Variants in ZXDC observed in about 807,000 individuals in gnomAD.
ZXDC encodes the protein zinc finger protein ZXDC.
In ZXDC, 58 loss-of-function variants were observed where a neutral mutation model predicts 63.6. The ratio of observed to expected loss-of-function variants is 0.91; its 90% CI spans 0.74 to 1.13. ZXDC has a LOEUF of 1.13. Ranked by LOEUF, ZXDC falls within the 50% of genes most tolerant of loss-of-function variation. ZXDC has a pLI of 0.00. For synonymous variants in ZXDC, 561 were observed against 496.1 expected, an observed-to-expected ratio of 1.13 and a Z score of -1.74; for missense variants, 1,133 against 1,148.9, an observed-to-expected ratio of 0.99 and a Z score of 0.20.
intron 1 of ZXDC, among the ~76,000 whole-genome samples, chr3:126,472,810 G>C (rs1935031699): frequency 6.6e-6 from 1 of 152,144 alleles, no homozygotes; most frequent in Non-Finnish European, 1.5e-5. Context: ...CCTGTCCCTT[G>C]CTGTTTGGAT....
chr3:126,461,984 G>T lies in ZXDC; in HGVS notation c.1678C>A (p.Leu560Ile). 1 of 1,614,150 alleles carries T rather than the reference G, an allele frequency of 6.2e-7. No homozygotes were observed. The highest frequency in any genetic ancestry group is 8.5e-7 in the Non-Finnish European group (1 of 1,180,038). The change falls in exon 6 of 10, where the codon CTA (leucine) becomes ATA (isoleucine). Residue 560 changes from leucine (L) to isoleucine (I), a missense_variant. Coordinates refer to ENST00000389709, the MANE Select transcript of ZXDC (RefSeq NM_025112.5). The stretch of plus-strand genomic sequence containing the variant: ...AGGACCAGGGGTTCCATCGGCCCTA[G>T]GGAGCTATTATTAGCAGGGAGGTTC... ...GGNLPANNSS[L>I]GPMEPLVLVA...
At chr3:126,458,569 A>G (rs921316099) in intron 7 of ZXDC, 5 of 984,428 alleles carry the variant, frequency 5.1e-6, no homozygotes, top group Non-Finnish European at 6.0e-6. Flanking sequence ...TAATGCTGAA[A>G]TATTTACAAA....
chr3:126,456,856 C>T (rs1934325282), intron 7 of ZXDC, among the ~76,000 whole-genome samples: 1 of 152,208 alleles, frequency 6.6e-6, no homozygotes, highest in African/African-American at 2.4e-5. Context: ...GTGAAGAAAC[C>T]TAGCAGCTAC....
At chr3:126,452,904 A>G in intron 7 of ZXDC, 3 of 499,776 alleles carry the variant, frequency 6.0e-6, no homozygotes, top group Non-Finnish European at 7.8e-6. Context: ...ACGCGTGGCT[A>G]ATTATTATTT....
intron 6 of ZXDC, chr3:126,460,069 G>C: frequency 3.0e-6 from 3 of 985,434 alleles, no homozygotes; most frequent in Non-Finnish European, 3.6e-6. Flanking sequence ...AGCCTTGCCT[G>C]GGTAACCCAG....
chr3:126,462,254 A>T, intron 5 of ZXDC, 34 bp from the exon 6 acceptor site: 1 of 1,552,940 alleles, frequency 6.4e-7, no homozygotes, highest in Non-Finnish European at 8.6e-7. Context: ...TGGTTACTTT[A>T]TGACCTTGAA....
Position 126,472,011 on chromosome 3 carries a change from C to T in ZXDC, c.1101G>A (p.Trp367Ter). The change falls in exon 3 of 10, where the codon TGG becomes TGA. Residue 367 changes from tryptophan (W) to a stop codon, truncating the protein, a stop_gained. Coordinates refer to ENST00000389709, the MANE Select transcript of ZXDC (RefSeq NM_025112.5). LOFTEE classifies it high-confidence loss of function. Reference sequence around the variant, plus strand: ...GAAGTTTGGACATGCTGGTGAAGGTCCAGCCACAGCTGTCAGAGTCACAAA... The same window carrying T: ...GAAGTTTGGACATGCTGGTGAAGGTTCAGCCACAGCTGTCAGAGTCACAAA... ...PFICDSDSCG[W>*]TFTSMSKLLR... The T allele has an allele frequency of 6.2e-7, 1 of 1,613,678 alleles. No homozygotes were observed. Among genetic ancestry groups the T allele is most frequent in the Non-Finnish European group, 8.5e-7 (1 of 1,179,840 alleles).
chr3:126,442,120 C>T, intron 7 of ZXDC, 174 bp from the exon 8 acceptor site: 1 of 646,342 alleles, frequency 1.5e-6, no homozygotes, highest in Non-Finnish European at 2.2e-6. Flanking sequence ...TTGAAACAAA[C>T]AACCATACGA....
At chr3:126,440,787 C>T in intron 8 of ZXDC, 1 of 986,528 alleles carries the variant, frequency 1.0e-6, no homozygotes, top group Non-Finnish European at 1.2e-6. Context: ...CTGCCCGCAG[C>T]CTCTTCCCTG....
rs190319860 is a variant in ZXDC, at chr3:126,440,629, C to T, written c.2395-902G>A. 917 of 986,474 alleles carry T rather than the reference C, an allele frequency of 9.3e-4. 3 individuals are homozygous for T. Among genetic ancestry groups the T allele is most frequent in the Non-Finnish European group, 6.8e-4 (563 of 830,804 alleles). 61.1% of individuals were successfully genotyped at this position (986,474 alleles called of 1,614,324 possible). ...GGCAGTGTTTCCTTGGATGGTCCTC[C>T]CCCTCCCCCTGCCCCTGCTCCTGGG... is the stretch of plus-strand genomic sequence containing the variant. On this transcript the variant is annotated intron_variant, in intron 8 of 9. Transcript: ENST00000389709.
chr3:126,449,710 T>C (rs1298371506), intron 7 of ZXDC, among the ~76,000 whole-genome samples: 1 of 152,190 alleles, frequency 6.6e-6, no homozygotes, highest in Non-Finnish European at 1.5e-5. Context: ...GACTTTCCAC[T>C]GGGCTGCCAA....
At position 126,441,786 on chromosome 3, in the gene ZXDC, G is replaced by A. The variant is rs1271715079; in HGVS notation, c.2373C>T (p.Gly791=). The change falls in exon 8 of 10, where the codon GGC becomes GGT. Residue 791 remains glycine, a synonymous_variant. Coordinates refer to ENST00000389709, the MANE Select transcript of ZXDC (RefSeq NM_025112.5). ...PAAGVQCGAQ[G]VQVQLVQDDP... Reference sequence around the variant, plus strand: ...TCACCTGCACCAGCTGGACCTGGACGCCCTGCGCCCCGCACTGCACCCCAG... The same window carrying A: ...TCACCTGCACCAGCTGGACCTGGACACCCTGCGCCCCGCACTGCACCCCAG... 4 of 1,603,904 alleles carry A rather than the reference G, an allele frequency of 2.5e-6. No homozygotes were observed. The highest frequency in any genetic ancestry group is 1.3e-5 in the African/African-American group (1 of 74,536).
chr3:126,439,233 C>T (rs542812413), intron 9 of ZXDC, among the ~76,000 whole-genome samples: 25 of 152,362 alleles, frequency 1.6e-4, no homozygotes, highest in African/African-American at 5.3e-4. Flanking sequence ...TATACGCTTT[C>T]GCTATTTCAT....
intron 1 of ZXDC, 135 bp downstream of exon 1, chr3:126,474,824 A>G: frequency 1.9e-6 from 2 of 1,047,524 alleles, no homozygotes; most frequent in Non-Finnish European, 2.7e-6. Flanking sequence ...ACATGGAAGG[A>G]GCTAGAATAC....
chr3:126,473,008 G>A (rs1935037175), intron 1 of ZXDC, among the ~76,000 whole-genome samples: 1 of 152,162 alleles, frequency 6.6e-6, no homozygotes, highest in South Asian at 2.1e-4. Flanking sequence ...CTTTGCTGCA[G>A]CTCCTCTTGG....
intron 5 of ZXDC, among the ~76,000 whole-genome samples, chr3:126,465,710 G>A (rs1934729067): frequency 1.3e-5 from 2 of 152,166 alleles, no homozygotes; most frequent in Admixed American, 1.3e-4. Context: ...CAGCACTTTG[G>A]GAGGCTGAGG....
chr3:126,461,669 A>C lies in ZXDC; in HGVS notation c.1993T>G (p.Ser665Ala). The change falls in exon 6 of 10, where the codon TCG (serine) becomes GCG (alanine). Residue 665 changes from serine (S) to alanine (A), a missense_variant. Physicochemically the swap from Ser to Ala is moderately conservative, Grantham distance 99. Coordinates refer to ENST00000389709, the MANE Select transcript of ZXDC (RefSeq NM_025112.5). ...LLAPIKVEPD[S>A]PSRPGAVGQQ... ...CCAACTGCTCCTGGGCGAGAAGGCG[A>C]GTCCGGCTCCACCTTGATTGGAGCC... The C allele has an allele frequency of 1.9e-6, 3 of 1,611,618 alleles. No homozygotes were observed. The highest frequency in any genetic ancestry group is 2.5e-6 in the Non-Finnish European group (3 of 1,179,776).
At position 126,466,270 on chromosome 3, in the gene ZXDC, G is replaced by A. The variant is rs372354967; in HGVS notation, c.1326C>T (p.His442=). ...TTTTCGGAGCACCCACATCCTGCAC[G>A]TGTTTCTTAGAGTGAATGTACAGAC... The part of the protein sequence containing the change: ...RSSLYIHSKK[H]VQDVGAPKSR... Residue 442 remains histidine (H), a synonymous_variant, in exon 5 of 10, where the codon CAC becomes CAT. Coordinates refer to ENST00000389709, the MANE Select transcript of ZXDC (RefSeq NM_025112.5). The A allele has an allele frequency of 1.4e-5, 22 of 1,614,086 alleles. No individual in the cohort carries two copies. Among genetic ancestry groups the A allele is most frequent in the African/African-American group, 8.0e-5 (6 of 74,920 alleles).
At chr3:126,458,857 C>T (rs1934410608) in intron 7 of ZXDC, 1 of 985,418 alleles carries the variant, frequency 1.0e-6, no homozygotes, top group Non-Finnish European at 1.2e-6. Flanking sequence ...ACAATTCACA[C>T]TGATGCATAC....
Sources: allele counts gnomAD v4.1 joint callset (sites outside exome capture counted in the v4.1 genomes callset), GRCh38; gene constraint gnomAD v4.1.1; transcripts MANE v1.5; gene names NCBI Gene and HGNC (gene_info 2026-07-23, HGNC 2026-07-21).